Variants in VKORC1L1 observed in about 807,000 individuals in gnomAD.
VKORC1L1 encodes the protein vitamin K epoxide reductase complex subunit 1-like protein 1.
In VKORC1L1, 2 loss-of-function variants were observed where a neutral mutation model predicts 18.9. The ratio of observed to expected loss-of-function variants is 0.11; its 90% CI spans 0.04 to 0.33. The LOEUF is 0.33. VKORC1L1 is among the 10% of genes least tolerant of loss of function. The pLI is 1.00. For synonymous variants in VKORC1L1, 96 were observed against 100.0 expected, an observed-to-expected ratio of 0.96 and a Z score of 0.24; for missense variants, 123 against 224.1, an observed-to-expected ratio of 0.55 and a Z score of 2.88.
chr7:65,874,614 T>C lies in VKORC1L1; in HGVS notation c.194+1049T>C, dbSNP rs527649100. On this transcript the variant is annotated intron_variant, in intron 1 of 2. Coordinates refer to ENST00000360768, the MANE Select transcript of VKORC1L1 (RefSeq NM_173517.6). ...TGAGGTCAGGAGTTCAAGACCAGCCTGGCCAACATGGTGAAACCCCGTCTC... is the reference window on the plus strand; with the variant it reads ...TGAGGTCAGGAGTTCAAGACCAGCCCGGCCAACATGGTGAAACCCCGTCTC... Among the ~76,000 whole-genome samples, 3 of 152,184 alleles carry C rather than the reference T, an allele frequency of 2.0e-5. No homozygotes were observed. The South Asian group carries it at 6.2e-4, about 32-fold the overall frequency.
intron 1 of VKORC1L1, among the ~76,000 whole-genome samples, chr7:65,918,626 G>T (rs1286580794): frequency 6.6e-6 from 1 of 152,216 alleles, no homozygotes; most frequent in Non-Finnish European, 1.5e-5. Flanking sequence ...ATTTCAAGGT[G>T]CTTTCTTGCT....
At chr7:65,920,929 A>G (rs1033192754) in intron 1 of VKORC1L1, among the ~76,000 whole-genome samples, 1 of 152,124 alleles carries the variant, frequency 6.6e-6, no homozygotes, top group Non-Finnish European at 1.5e-5. Flanking sequence ...GGAGAAGGAA[A>G]GAAAGAAGAA....
intron 2 of VKORC1L1, among the ~76,000 whole-genome samples, chr7:65,953,378 G>A (rs977958376): frequency 1.3e-5 from 2 of 152,206 alleles, no homozygotes; most frequent in African/African-American, 4.8e-5. Flanking sequence ...TCCAGAGAAG[G>A]TTCTCACCAA....
chr7:65,871,963 T>C (rs1788731545), upstream of VKORC1L1, among the ~76,000 whole-genome samples: 1 of 152,224 alleles, frequency 6.6e-6, no homozygotes, highest in Non-Finnish European at 1.5e-5. Context: ...TTGCTTATTA[T>C]TCAAAATCAC....
intron 1 of VKORC1L1, among the ~76,000 whole-genome samples, chr7:65,890,366 C>T (rs1408507064): frequency 2.0e-5 from 3 of 152,074 alleles, no homozygotes; most frequent in East Asian, 1.9e-4. Flanking sequence ...CTCCTGACCT[C>T]GTGATCCGCC....
At chr7:65,895,469 AAAAAAAAAAAAATATATATAT>A (rs1239057752) in intron 1 of VKORC1L1, among the ~76,000 whole-genome samples, 45 of 53,988 alleles carry the variant, frequency 8.3e-4, no homozygotes, top group African/African-American at 3.1e-3. Context: ...AAAAAAAAAA[AAAAAAAAAAAAATATATATAT>A]ATATATATAT....
upstream of VKORC1L1, among the ~76,000 whole-genome samples, chr7:65,871,560 ATTAGGT>A (rs1788726483): frequency 6.6e-6 from 1 of 152,142 alleles, no homozygotes; most frequent in South Asian, 2.1e-4. Flanking sequence ...CACTTCTGGG[ATTAGGT>A]TTCAAAAAAG....
chr7:65,943,455 C>T (rs1043336692), intron 1 of VKORC1L1, among the ~76,000 whole-genome samples: 6 of 152,136 alleles, frequency 3.9e-5, no homozygotes, highest in African/African-American at 1.4e-4. Context: ...AAAACAGCAA[C>T]TTACCAAATA....
intron 1 of VKORC1L1, among the ~76,000 whole-genome samples, chr7:65,884,526 A>G (rs949780707): frequency 6.6e-5 from 10 of 152,190 alleles, no homozygotes; most frequent in African/African-American, 2.4e-4. Context: ...GGTCCCAGCT[A>G]CTTGGGAAGC....
intron 1 of VKORC1L1, among the ~76,000 whole-genome samples, chr7:65,941,523 A>G (rs532811956): frequency 6.6e-6 from 1 of 152,122 alleles, no homozygotes; most frequent in Admixed American, 6.5e-5. Flanking sequence ...TTTTATATTT[A>G]CTATACTGTT....
intron 1 of VKORC1L1, among the ~76,000 whole-genome samples, chr7:65,900,661 T>G (rs1332798066): frequency 6.6e-6 from 1 of 151,410 alleles, no homozygotes; most frequent in Non-Finnish European, 1.5e-5. Flanking sequence ...ATATTAGAAC[T>G]GGGTGTTGTG....
chr7:65,946,346 T>C (rs1352951522), intron 1 of VKORC1L1, among the ~76,000 whole-genome samples: 7 of 152,046 alleles, frequency 4.6e-5, no homozygotes, highest in African/African-American at 1.7e-4. Context: ...AAAAGGTCCT[T>C]CCCGACCATC....
At chr7:65,903,908 A>G (rs901660084) in intron 1 of VKORC1L1, among the ~76,000 whole-genome samples, 2 of 152,210 alleles carry the variant, frequency 1.3e-5, no homozygotes, top group African/African-American at 2.4e-5. Context: ...GAAAAGTGCT[A>G]GAAATGGTAA....
intron 1 of VKORC1L1, among the ~76,000 whole-genome samples, chr7:65,895,512 T>TACACAC (rs1439632666): frequency 4.1e-5 from 3 of 73,894 alleles, no homozygotes; most frequent in Non-Finnish European, 5.6e-5. Flanking sequence ...TATATATATA[T>TACACAC]ATATACACAC....
At chr7:65,871,467 T>C (rs910485134), upstream of VKORC1L1, among the ~76,000 whole-genome samples, 1 of 152,122 alleles carries the variant, frequency 6.6e-6, no homozygotes, top group Non-Finnish European at 1.5e-5. Context: ...AATTCTGGGA[T>C]TACAGGTGTG....
intron 1 of VKORC1L1, among the ~76,000 whole-genome samples, chr7:65,916,445 G>A (rs763108453): frequency 1.1e-4 from 17 of 151,948 alleles, no homozygotes; most frequent in Non-Finnish European, 2.4e-4. Context: ...ATGACCAGAT[G>A]TTCTTGGTTC....
chr7:65,943,821 T>C lies in VKORC1L1; in HGVS notation c.195-4850T>C, dbSNP rs190515021. On this transcript the variant is annotated intron_variant, in intron 1 of 2. Transcript: ENST00000360768. Reference sequence around the variant, plus strand: ...AAAAATAAATAAATAAAAATAAAGATAATTTTAAGATTATTGTTTTAAAGA... The same window carrying C: ...AAAAATAAATAAATAAAAATAAAGACAATTTTAAGATTATTGTTTTAAAGA... 1.2e-3 allele frequency among the ~76,000 whole-genome samples: 181 copies of C among 152,270 alleles called. 1 individual carries two copies. The highest frequency in any genetic ancestry group is 3.9e-3 in the African/African-American group (163 of 41,566).
chr7:65,894,837 G>A (rs1583830427), intron 1 of VKORC1L1, among the ~76,000 whole-genome samples: 1 of 152,232 alleles, frequency 6.6e-6, no homozygotes, highest in African/African-American at 2.4e-5. Context: ...CTTGAGCCCA[G>A]GAGTTTGAGA....
At position 65,899,289 on chromosome 7, in the gene VKORC1L1, A is replaced by T. The variant is rs952329538; in HGVS notation, c.194+25724A>T. On this transcript the variant is annotated intron_variant, in intron 1 of 2. Coordinates refer to ENST00000360768, the MANE Select transcript of VKORC1L1 (RefSeq NM_173517.6). ...TTCCCCCCTTGGCTTATTGTCCAAC[A>T]TTGGCCTACTCTTCCAAATCCACCT... Among the ~76,000 whole-genome samples the T allele has an allele frequency of 4.6e-5, 7 of 152,174 alleles. No homozygotes were observed. The East Asian group carries it at 5.8e-4, about 13-fold the overall frequency.
Sources: gnomAD v4.1 joint callset for allele counts (sites outside exome capture counted in the v4.1 genomes callset) on GRCh38, gnomAD v4.1.1 for gene constraint, MANE v1.5 for transcripts, NCBI Gene and HGNC (gene_info 2026-07-23, HGNC 2026-07-21) for gene names.